PRICKLE1: variants seen among roughly 807,000 people sequenced by gnomAD.
PRICKLE1 encodes the protein prickle-like protein 1.
In PRICKLE1, 14 loss-of-function variants were observed where a neutral mutation model predicts 70.2. That is an observed-to-expected ratio of 0.20 (90% CI 0.13 to 0.31). The LOEUF (loss-of-function observed/expected upper bound fraction) is 0.31, where lower values mean the gene tolerates loss of function less well. Ranked by LOEUF, PRICKLE1 falls within the 10% of genes least tolerant of loss-of-function variation. The pLI is 1.00. For synonymous variants in PRICKLE1, 357 were observed against 379.9 expected (o/e 0.94, Z 0.70); for missense variants, 821 against 1,026.2 (o/e 0.80, Z 2.73).
chr12:42,507,889 T>C (rs1179617981), intron 1 of PRICKLE1, among the ~76,000 whole-genome samples: 4 of 152,182 alleles, frequency 2.6e-5, no homozygotes, highest in Non-Finnish European at 5.9e-5. Flanking sequence ...TAAACACATA[T>C]TGGAGGATAC....
At chr12:42,535,377 T>C (rs1939999558) in intron 1 of PRICKLE1, among the ~76,000 whole-genome samples, 1 of 152,212 alleles carries the variant, frequency 6.6e-6, no homozygotes, top group Non-Finnish European at 1.5e-5. Context: ...ACACATTTCC[T>C]TTTCTCAGAG....
chr12:42,572,946 A>C (rs906644631), intron 1 of PRICKLE1, among the ~76,000 whole-genome samples: 1 of 152,230 alleles, frequency 6.6e-6, no homozygotes, highest in African/African-American at 2.4e-5. Context: ...TCACCCATGC[A>C]GAGCATCGAA....
chr12:42,476,447 G>C (rs374859977), intron 1 of PRICKLE1, among the ~76,000 whole-genome samples: 1 of 151,844 alleles, frequency 6.6e-6, no homozygotes, highest in African/African-American at 2.4e-5. Flanking sequence ...CTCTCAAAGT[G>C]CTGGGATTAC....
At chr12:42,461,158 G>C (rs543158058) in intron 7 of PRICKLE1, among the ~76,000 whole-genome samples, 1 of 152,348 alleles carries the variant, frequency 6.6e-6, no homozygotes, top group South Asian at 2.1e-4. Flanking sequence ...TGGGTTTACA[G>C]GTATGAGCCA....
chr12:42,491,223 G>A (rs149652931), intron 1 of PRICKLE1, among the ~76,000 whole-genome samples: 1 of 151,508 alleles, frequency 6.6e-6, no homozygotes, highest in Admixed American at 6.6e-5. Context: ...TTAAAATAGA[G>A]TATTTAAAAA....
intron 1 of PRICKLE1, among the ~76,000 whole-genome samples, chr12:42,485,992 C>T (rs1593132290): frequency 1.3e-5 from 2 of 152,302 alleles, no homozygotes. Context: ...TTGTTATTGT[C>T]AAGGGTGAAC....
At position 42,468,689 on chromosome 12, in the gene PRICKLE1, T is replaced by G. The variant is rs1938196423; in HGVS notation, c.525A>C (p.Gly175=). 1 of 1,614,042 alleles carries G rather than the reference T, an allele frequency of 6.2e-7. No homozygotes were observed. Among genetic ancestry groups the G allele is most frequent in the Admixed American group, 1.7e-5 (1 of 60,006 alleles). Residue 175 remains glycine (G), a synonymous_variant, in exon 5 of 8, where the codon GGA becomes GGC. Coordinates refer to ENST00000345127, the MANE Select transcript of PRICKLE1 (RefSeq NM_153026.3). The part of the protein sequence containing the change: ...LVDLIYFYQD[G]KIHCGRHHAE... ...CATGGTGCCTGCCACAGTGAATTTTTCCATCCTGATAAAAATAGATGAGGT... is the reference window on the plus strand; with the variant it reads ...CATGGTGCCTGCCACAGTGAATTTTGCCATCCTGATAAAAATAGATGAGGT...
chr12:42,542,390 C>T (rs1005107693), intron 1 of PRICKLE1, among the ~76,000 whole-genome samples: 1 of 151,936 alleles, frequency 6.6e-6, no homozygotes, highest in Non-Finnish European at 1.5e-5. Flanking sequence ...GTGACTCATG[C>T]CTGTAATCCC....
chr12:42,517,408 G>T (rs1390149083), intron 1 of PRICKLE1, among the ~76,000 whole-genome samples: 1 of 143,212 alleles, frequency 7.0e-6, no homozygotes, highest in Non-Finnish European at 1.5e-5. Flanking sequence ...TGCCTCCCAG[G>T]TTCATGCCAT....
At chr12:42,528,374 C>G (rs900427633) in intron 1 of PRICKLE1, among the ~76,000 whole-genome samples, 1 of 151,774 alleles carries the variant, frequency 6.6e-6, no homozygotes, top group South Asian at 2.1e-4. Context: ...GAGCCCAGCC[C>G]GAAAAACTAA....
intron 1 of PRICKLE1, among the ~76,000 whole-genome samples, chr12:42,567,419 T>C (rs1281966942): frequency 1.3e-5 from 2 of 152,242 alleles, no homozygotes; most frequent in Non-Finnish European, 2.9e-5. Context: ...AAGTAAACTT[T>C]TGGTGTGTTG....
chr12:42,587,081 C>T (rs1284032724), intron 1 of PRICKLE1, among the ~76,000 whole-genome samples: 1 of 152,122 alleles, frequency 6.6e-6, no homozygotes, highest in African/African-American at 2.4e-5. Context: ...CTTCCATGGA[C>T]CTTGATTATA....
chr12:42,502,019 G>A (rs1289070266), intron 1 of PRICKLE1, among the ~76,000 whole-genome samples: 3 of 152,058 alleles, frequency 2.0e-5, no homozygotes, highest in Non-Finnish European at 2.9e-5. Context: ...CTAGAAGCCC[G>A]TCAATAGGTG....
chr12:42,498,579 TCGAGAC>T, intron 1 of PRICKLE1, among the ~76,000 whole-genome samples: 2 of 152,320 alleles, frequency 1.3e-5, no homozygotes, highest in Middle Eastern at 6.8e-3. Context: ...GCCCAGGAGA[TCGAGAC>T]CAACCTGGAC....
At chr12:42,477,378 A>G (rs1156738526) in intron 1 of PRICKLE1, among the ~76,000 whole-genome samples, 8 of 116,588 alleles carry the variant, frequency 6.9e-5, no homozygotes, top group Non-Finnish European at 8.9e-5. Flanking sequence ...GTCTCAAAAC[A>G]AAACAAAACA....
intron 1 of PRICKLE1, among the ~76,000 whole-genome samples, chr12:42,574,216 T>C (rs928226802): frequency 5.9e-5 from 9 of 152,222 alleles, no homozygotes; most frequent in Admixed American, 2.6e-4. Context: ...TACCTGAAAT[T>C]CAAATTTAAC....
intron 1 of PRICKLE1, among the ~76,000 whole-genome samples, chr12:42,552,329 A>C (rs1277714192): frequency 6.6e-6 from 1 of 152,150 alleles, no homozygotes; most frequent in African/African-American, 2.4e-5. Context: ...TGGCCTCCCA[A>C]AGTGCTGGGA....
At chr12:42,495,539 C>T in intron 1 of PRICKLE1, among the ~76,000 whole-genome samples, 1 of 152,070 alleles carries the variant, frequency 6.6e-6, no homozygotes, top group South Asian at 2.1e-4. Context: ...GCTTCCACTT[C>T]TAATTCCAGT....
rs746752965 is a variant in PRICKLE1 at position 42,458,972 on chromosome 12, G to GA, written c.*836dup. The GA allele has an allele frequency of 1.2e-3, 299 of 256,194 alleles. No individual in the cohort carries two copies. Among genetic ancestry groups the GA allele is most frequent in the Non-Finnish European group, 1.3e-3 (172 of 132,522 alleles). 15.9% of individuals were successfully genotyped at this position (256,194 alleles called of 1,614,324 possible). Reference sequence around the variant, plus strand: ...GCATACAGAGCCTTTTTTAATATTGGAAAAAAAAATCAAAAAAAGTTGAAT... The same window carrying GA: ...GCATACAGAGCCTTTTTTAATATTGGAAAAAAAAAATCAAAAAAAGTTGAAT... On this transcript the variant is annotated 3_prime_UTR_variant, in exon 8 of 8. Coordinates refer to ENST00000345127, the MANE Select transcript of PRICKLE1 (RefSeq NM_153026.3).
Sources: allele counts gnomAD v4.1 joint callset (sites outside exome capture counted in the v4.1 genomes callset), GRCh38; gene constraint gnomAD v4.1.1; transcripts MANE v1.5; gene names NCBI Gene and HGNC (gene_info 2026-07-23, HGNC 2026-07-21).